Variants in NTRK3 observed in about 807,000 individuals in gnomAD.
NTRK3 encodes the protein NT-3 growth factor receptor.
NTRK3 carries 24 observed loss-of-function variants against 91.7 expected under a neutral mutation model. The observed-to-expected ratio is 0.26, with a 90% confidence interval of 0.19 to 0.37. The LOEUF is 0.37. Ranked by LOEUF, NTRK3 falls within the 10% of genes least tolerant of loss-of-function variation. The probability of loss-of-function intolerance (pLI) is 1.00; values close to 1 mark genes in which losing one functional copy is unlikely to be tolerated. For missense variants in NTRK3, 880 were observed against 1,068.9 expected (o/e 0.82, Z 2.46); for synonymous variants, 483 against 404.0 (o/e 1.20, Z -2.34).
intron 17 of NTRK3, among the ~76,000 whole-genome samples, chr15:87,918,589 T>C (rs1321017322): frequency 2.6e-5 from 4 of 152,254 alleles, no homozygotes; most frequent in African/African-American, 9.6e-5. Flanking sequence ...AGATAAGCTT[T>C]AGACATTCTT....
At chr15:87,898,445 A>T (rs1405554348) in intron 17 of NTRK3, among the ~76,000 whole-genome samples, 5 of 152,082 alleles carry the variant, frequency 3.3e-5, no homozygotes, top group Non-Finnish European at 5.9e-5. Context: ...GGGCTTAGAC[A>T]CTCAGGAGGA....
chr15:87,923,651 G>A (rs1032981884), intron 17 of NTRK3, among the ~76,000 whole-genome samples: 1 of 152,142 alleles, frequency 6.6e-6, no homozygotes, highest in Non-Finnish European at 1.5e-5. Context: ...ATTGGAGAAA[G>A]CATTCATATT....
chr15:87,865,992 C>G (rs2064665245), exon 19 of NTRK3: 1 of 231,422 alleles, frequency 4.3e-6, no homozygotes, highest in Non-Finnish European at 8.5e-6. Context: ...CAGCACCCAG[C>G]AAGACTGTAT....
intron 14 of NTRK3, among the ~76,000 whole-genome samples, chr15:87,986,459 G>A (rs576693834): frequency 6.6e-6 from 1 of 152,296 alleles, no homozygotes; most frequent in South Asian, 2.1e-4. Context: ...AGTAACCACT[G>A]CTCTGAAATA....
chr15:87,873,949 A>C (rs1346057203), exon 19 of NTRK3: 1 of 230,028 alleles, frequency 4.3e-6, no homozygotes, highest in Non-Finnish European at 8.6e-6. Flanking sequence ...GCCATTCCAG[A>C]ATGGTATTGA....
At chr15:88,181,087 T>C (rs1057083741) in intron 5 of NTRK3, among the ~76,000 whole-genome samples, 1 of 152,016 alleles carries the variant, frequency 6.6e-6, no homozygotes, top group Non-Finnish European at 1.5e-5. Flanking sequence ...TTGCCCCTAA[T>C]GCACAGACAG....
intron 13 of NTRK3, among the ~76,000 whole-genome samples, chr15:88,099,788 T>A (rs2049987841): frequency 6.6e-6 from 1 of 152,158 alleles, no homozygotes; most frequent in African/African-American, 2.4e-5. Context: ...AGTGCTCACA[T>A]GAACAAAAAA....
chr15:87,868,480 G>C (rs1289403149), exon 19 of NTRK3: 1 of 219,168 alleles, frequency 4.6e-6, no homozygotes, highest in Non-Finnish European at 9.1e-6. Context: ...CAATTTCAAA[G>C]GGAATTAGAA....
intron 14 of NTRK3, among the ~76,000 whole-genome samples, chr15:87,944,845 T>A (rs1310565157): frequency 6.6e-6 from 1 of 152,242 alleles, no homozygotes; most frequent in Non-Finnish European, 1.5e-5. Flanking sequence ...CCCTGGGGAA[T>A]GACTGGAGTG....
rs761408259 is a variant in NTRK3, at chr15:87,981,283, A to G, written c.1586-40530T>C. ...TGGACCTCAGGTTCCTCATATATAT[A>G]GTGAGTTGATGGGACTAGATGATCT... is the stretch of plus-strand genomic sequence containing the variant. On this transcript the variant is annotated intron_variant, in intron 14 of 18. Coordinates refer to ENST00000394480, the Ensembl canonical transcript of NTRK3. 5 of 1,593,342 alleles carry G rather than the reference A, an allele frequency of 3.1e-6. No individual in the cohort carries two copies. The East Asian group carries it at 8.9e-5, about 29-fold the overall frequency.
chr15:88,165,694 A>T lies in NTRK3; in HGVS notation c.395+17724T>A, dbSNP rs559266623. 1.6e-4 allele frequency among the ~76,000 whole-genome samples: 25 copies of T among 152,328 alleles called. 1 individual carries two copies. In the South Asian group the frequency reaches 5.2e-3, roughly 32 times the overall value. On this transcript the variant is annotated intron_variant, in intron 5 of 18. Coordinates refer to ENST00000394480, the Ensembl canonical transcript of NTRK3. The stretch of plus-strand genomic sequence containing the variant: ...TTTTATGGTCTGTATTATTATAATG[A>T]TTTGCTCTCATTGACAGATAAGCAA...
chr15:88,173,947 C>A (rs1425718277), intron 5 of NTRK3, among the ~76,000 whole-genome samples: 1 of 152,186 alleles, frequency 6.6e-6, no homozygotes, highest in Non-Finnish European at 1.5e-5. Flanking sequence ...ACAATGATGT[C>A]CACTTGCTAT....
At chr15:88,108,517 C>T (rs1470100041) in intron 13 of NTRK3, among the ~76,000 whole-genome samples, 2 of 152,168 alleles carry the variant, frequency 1.3e-5, no homozygotes, top group Non-Finnish European at 2.9e-5. Context: ...CTGTGATCTA[C>T]CCTCTCCAAC....
intron 14 of NTRK3, among the ~76,000 whole-genome samples, chr15:88,017,994 T>C (rs944575671): frequency 1.1e-4 from 16 of 152,194 alleles, no homozygotes; most frequent in African/African-American, 3.1e-4. Flanking sequence ...CAGAAGCTTA[T>C]ACATTGCCTG....
intron 14 of NTRK3, among the ~76,000 whole-genome samples, chr15:87,971,628 A>G (rs926332518): frequency 6.6e-6 from 1 of 152,208 alleles, no homozygotes; most frequent in African/African-American, 2.4e-5. Flanking sequence ...TTGTAGGTGC[A>G]GGGGTCCCCT....
Position 88,255,872 on chromosome 15 carries a change from G to A in NTRK3, c.248+34C>T. The A allele has an allele frequency of 1.9e-6, 3 of 1,585,318 alleles. No homozygotes were observed. The highest frequency in any genetic ancestry group is 1.1e-5 in the South Asian group (1 of 88,314). ...GGCAGGAGGGAGACGCAGAGCGCGG[G>A]GGAGGCAGGCTGGGGAGCGGCCGCC... On this transcript the variant is annotated intron_variant, in intron 3 of 18. Coordinates refer to ENST00000394480, the Ensembl canonical transcript of NTRK3. The surrounding 1 kb of genome is among the most constrained non-coding windows in gnomAD (Gnocchi z 4.3).
At chr15:88,144,978 C>T (rs2042749562) in intron 6 of NTRK3, among the ~76,000 whole-genome samples, 1 of 152,176 alleles carries the variant, frequency 6.6e-6, no homozygotes, top group Admixed American at 6.5e-5. Flanking sequence ...TTAAACCTCA[C>T]ACTTCTGGCC....
In NTRK3 at chr15:88,256,419, G is replaced by C. The variant is rs998047384; in HGVS notation, c.-151C>G. 17 of 550,198 alleles carry C rather than the reference G, an allele frequency of 3.1e-5. No individual in the cohort carries two copies. The Admixed American group carries it at 4.1e-4, about 13-fold the overall frequency. The allele number at this position is 550,198 out of a possible 1,614,324, so 34.1% of individuals were successfully genotyped here. A position where few individuals can be genotyped will look rare whatever the true frequency, so the allele number is the denominator to read the frequency against. ...GCGCGGTCTGCCGGGCATGGTGGCC[G>C]GCTCGGCGATCGCTGACTCGCCGGG... is the stretch of plus-strand genomic sequence containing the variant. On this transcript the variant is annotated 5_prime_UTR_variant, in exon 2 of 19. Transcript: ENST00000394480.
chr15:88,077,091 CAAAT>C (rs1044506737), intron 13 of NTRK3, among the ~76,000 whole-genome samples: 5 of 152,050 alleles, frequency 3.3e-5, no homozygotes, highest in African/African-American at 7.2e-5. Flanking sequence ...TAGACTCCAT[CAAAT>C]AAATAAATAA....
Sources: allele counts gnomAD v4.1 joint callset (sites outside exome capture counted in the v4.1 genomes callset), GRCh38; gene constraint gnomAD v4.1.1; non-coding constraint Gnocchi (gnomAD v3.1); transcripts MANE v1.5; gene names NCBI Gene and HGNC (gene_info 2026-07-23, HGNC 2026-07-21).